NUDCD1: variants seen among roughly 807,000 people sequenced by gnomAD.
The protein encoded by NUDCD1 is NudC domain containing 1.
Under a neutral mutation model 67.8 loss-of-function variants are expected in NUDCD1, and 60 were observed. That is an observed-to-expected ratio of 0.88 (90% CI 0.72 to 1.10). The LOEUF is 1.10. Ranked by LOEUF, NUDCD1 falls within the 50% of genes least tolerant of loss-of-function variation. NUDCD1 has a pLI of 0.00. For synonymous variants in NUDCD1, 244 were observed against 230.8 expected (o/e 1.06, Z -0.52); for missense variants, 643 against 695.0 (o/e 0.93, Z 0.84).
At chr8:109,254,813 A>C (rs1813694704) in intron 8 of NUDCD1, among the ~76,000 whole-genome samples, 1 of 152,132 alleles carries the variant, frequency 6.6e-6, no homozygotes, top group African/African-American at 2.4e-5. Context: ...AAATAATATT[A>C]ATAAAAAGGT....
intron 5 of NUDCD1, among the ~76,000 whole-genome samples, chr8:109,285,385 C>T (rs748066665): frequency 1.3e-5 from 2 of 152,112 alleles, no homozygotes; most frequent in African/African-American, 2.4e-5. Flanking sequence ...CCAATATCCC[C>T]GATGAACATA....
intron 5 of NUDCD1, 49 bp from the exon 6 acceptor site, chr8:109,281,221 A>G (rs1486741379): frequency 8.3e-7 from 1 of 1,200,578 alleles, no homozygotes; most frequent in Non-Finnish European, 1.2e-6. Context: ...TAGAGAAAGC[A>G]TACACACACA....
chr8:109,290,728 A>G (rs1814693496), intron 4 of NUDCD1, among the ~76,000 whole-genome samples: 1 of 152,140 alleles, frequency 6.6e-6, no homozygotes, highest in South Asian at 2.1e-4. Context: ...GTACTCAAAC[A>G]TTTTAGCTGA....
rs568452638 is a variant in NUDCD1 at position 109,324,407 on chromosome 8, A to G, written c.119-1944T>C. 2.0e-5 allele frequency among the ~76,000 whole-genome samples: 3 copies of G among 152,026 alleles called. No individual in the cohort carries two copies. The South Asian group carries it at 6.2e-4, about 32-fold the overall frequency. ...TCAAAAAAATACAAAAAAAAAAAAT[A>G]ACAAATGCTGGCAAGGATGTGGAGA... On this transcript the variant is annotated intron_variant, in intron 1 of 9. Coordinates refer to ENST00000239690, the MANE Select transcript of NUDCD1 (RefSeq NM_032869.4).
intron 4 of NUDCD1, among the ~76,000 whole-genome samples, chr8:109,292,045 G>A (rs2130025799): frequency 6.6e-6 from 1 of 152,130 alleles, no homozygotes; most frequent in East Asian, 1.9e-4. Flanking sequence ...TGTGAGCTAA[G>A]CATGAATTTT....
intron 1 of NUDCD1, among the ~76,000 whole-genome samples, chr8:109,324,003 T>C (rs1425913608): frequency 1.1e-4 from 16 of 152,078 alleles, no homozygotes; most frequent in Non-Finnish European, 1.5e-5. Flanking sequence ...AAAGATTTTA[T>C]GGTTAAGACC....
At position 109,311,559 on chromosome 8, in the gene NUDCD1, G is replaced by GTGTATATATATATATATATATA; in HGVS notation, c.273+10749_273+10750insTATATATATATATATATATACA. 8.3e-4 allele frequency among the ~76,000 whole-genome samples: 104 copies of GTGTATATATATATATATATATA among 125,150 alleles called. 8 individuals are homozygous for GTGTATATATATATATATATATA. The highest frequency in any genetic ancestry group is 2.3e-3 in the African/African-American group (65 of 28,744). The allele number at this position is 125,150 out of a possible 152,430, so 82.1% of individuals were successfully genotyped here. On this transcript the variant is annotated intron_variant, in intron 2 of 9. Coordinates refer to ENST00000239690, the MANE Select transcript of NUDCD1 (RefSeq NM_032869.4). ...AATGAGTGGATAAAGAAACTGTGGT[G>GTGTATATATATATATATATATA]TATATATATATATGATGGGATACTG...
chr8:109,255,319 AGTAAATCCTGG>A (rs1237110416), intron 8 of NUDCD1, among the ~76,000 whole-genome samples: 18 of 152,324 alleles, frequency 1.2e-4, no homozygotes, highest in African/African-American at 4.1e-4. Flanking sequence ...ATGGAAAAGA[AGTAAATCCTGG>A]GTTGCATTTT....
At chr8:109,332,957 A>G (rs1333165152) in intron 1 of NUDCD1, among the ~76,000 whole-genome samples, 1 of 152,120 alleles carries the variant, frequency 6.6e-6, no homozygotes, top group Non-Finnish European at 1.5e-5. Flanking sequence ...TATCCCTATC[A>G]CTGCCTTCCC....
intron 6 of NUDCD1, among the ~76,000 whole-genome samples, chr8:109,278,565 C>A (rs1046714689): frequency 7.2e-5 from 11 of 152,154 alleles, no homozygotes; most frequent in Non-Finnish European, 1.3e-4. Flanking sequence ...CAGTCAATCT[C>A]CCTACACCCT....
intron 8 of NUDCD1, among the ~76,000 whole-genome samples, chr8:109,258,823 A>G (rs1200227200): frequency 6.6e-6 from 1 of 152,230 alleles, no homozygotes; most frequent in African/African-American, 2.4e-5. Flanking sequence ...AACTAAAAGT[A>G]TATCTTTTCA....
chr8:109,265,212 G>A (rs1189263533), intron 8 of NUDCD1, among the ~76,000 whole-genome samples: 1 of 151,630 alleles, frequency 6.6e-6, no homozygotes, highest in Admixed American at 6.6e-5. Flanking sequence ...TAAAAATGCC[G>A]TTTACATGAA....
chr8:109,296,105 T>C (rs1306714397), intron 3 of NUDCD1, among the ~76,000 whole-genome samples: 1 of 152,184 alleles, frequency 6.6e-6, no homozygotes, highest in Non-Finnish European at 1.5e-5. Flanking sequence ...GCAACGCCAA[T>C]GCTTAATGAA....
rs370651891 is a variant in NUDCD1, at chr8:109,245,375, T to G, written c.1406A>C (p.His469Pro). ...CCACATATCATCTTGTTTGCTGGAG[T>G]GTGGTTGCCAGAGTAGGGCATCAAC... is the stretch of plus-strand genomic sequence containing the variant. Reference protein sequence around the residue: ...HDVDALLWQPHSSKQDDMWEH... With the variant: ...HDVDALLWQPPSSKQDDMWEH... Residue 469 changes from histidine to proline, a missense_variant, in exon 9 of 10, where the codon CAC (histidine) becomes CCC (proline). Transcript: ENST00000239690. The G allele has an allele frequency of 6.2e-7, 1 of 1,613,844 alleles. No individual in the cohort carries two copies. The highest frequency in any genetic ancestry group is 8.5e-7 in the Non-Finnish European group (1 of 1,179,880).
At chr8:109,247,185 T>C (rs944301846) in intron 8 of NUDCD1, among the ~76,000 whole-genome samples, 1 of 152,216 alleles carries the variant, frequency 6.6e-6, no homozygotes, top group African/African-American at 2.4e-5. Context: ...CTAACACTGC[T>C]TCAGCTCTCT....
intron 8 of NUDCD1, among the ~76,000 whole-genome samples, chr8:109,257,307 T>C (rs1182108717): frequency 9.9e-5 from 15 of 152,030 alleles, no homozygotes; most frequent in Non-Finnish European, 4.4e-5. Context: ...CAATATAAAG[T>C]CAAGTAACAC....
chr8:109,270,742 T>C (rs1373366882), intron 8 of NUDCD1, among the ~76,000 whole-genome samples: 4 of 152,048 alleles, frequency 2.6e-5, no homozygotes, highest in Non-Finnish European at 5.9e-5. Flanking sequence ...AGTGAAGTTA[T>C]TATACATTAC....
At chr8:109,279,654 T>G (rs1016426121) in intron 6 of NUDCD1, among the ~76,000 whole-genome samples, 6 of 152,166 alleles carry the variant, frequency 3.9e-5, no homozygotes, top group African/African-American at 7.2e-5. Context: ...CTTTTTTTTT[T>G]GAGACGTAGT....
chr8:109,242,972 A>G lies in NUDCD1; in HGVS notation c.*37T>C, dbSNP rs775800431. 7.1e-7 allele frequency: 1 copy of G among 1,401,198 alleles called. No homozygotes were observed. Among genetic ancestry groups the G allele is most frequent in the Non-Finnish European group, 1.0e-6 (1 of 1,003,422 alleles). The allele number at this position is 1,401,198 out of a possible 1,614,324, so 86.8% of individuals were successfully genotyped here. On this transcript the variant is annotated 3_prime_UTR_variant, in exon 10 of 10. Transcript: ENST00000239690. Reference sequence around the variant, plus strand: ...TCCAGACCTCCAGGTACCACTGAATACTTTTCCAGTACAAAGAGGCCAATA... The same window carrying G: ...TCCAGACCTCCAGGTACCACTGAATGCTTTTCCAGTACAAAGAGGCCAATA...
Sources: gnomAD v4.1 joint callset for allele counts (sites outside exome capture counted in the v4.1 genomes callset) on GRCh38, gnomAD v4.1.1 for gene constraint, MANE v1.5 for transcripts, NCBI Gene and HGNC (gene_info 2026-07-23, HGNC 2026-07-21) for gene names.